ZNF529: variants seen among roughly 807,000 people sequenced by gnomAD.
ZNF529 encodes the protein zinc finger protein 529.
In ZNF529, 11 loss-of-function variants were observed where a neutral mutation model predicts 10.1. That is an observed-to-expected ratio of 1.09 (90% CI 0.69 to 1.81). The LOEUF is 1.81. Ranked by LOEUF, ZNF529 falls within the 40% of genes most tolerant of loss-of-function variation. The pLI, the probability that ZNF529 is intolerant of heterozygous loss-of-function variation, is 0.00. For missense variants in ZNF529, 624 were observed against 666.8 expected (o/e 0.94, Z 0.71); for synonymous variants, 204 against 215.7 (o/e 0.95, Z 0.47).
intron 1 of ZNF529, among the ~76,000 whole-genome samples, chr19:36,597,540 A>T (rs1301984237): frequency 1.3e-5 from 2 of 152,192 alleles, no homozygotes; most frequent in Admixed American, 1.3e-4. Flanking sequence ...TACATCATAC[A>T]ATCCAGCAAT....
chr19:36,565,010 T>C (rs8182626), intron 2 of ZNF529, among the ~76,000 whole-genome samples: 4,960 of 152,312 alleles, frequency 0.033, 121 homozygotes, highest in East Asian at 0.073. Context: ...AAATACTGCA[T>C]GTTCTCACTG....
At chr19:36,596,280 G>A (rs926979100) in intron 1 of ZNF529, among the ~76,000 whole-genome samples, 1 of 151,434 alleles carries the variant, frequency 6.6e-6, no homozygotes, top group East Asian at 1.9e-4. Context: ...CACTATGTTG[G>A]CCAGGGTGGT....
rs1464465805 is a variant in ZNF529, at chr19:36,545,640, C to T, written c.*1226G>A. The T allele has an allele frequency of 6.6e-6, 1 of 152,048 alleles. No individual in the cohort carries two copies. The highest frequency in any genetic ancestry group is 2.4e-5 in the African/African-American group (1 of 41,460). The allele number at this position is 152,048 out of a possible 1,614,324, so 9.4% of individuals were successfully genotyped here. On this transcript the variant is annotated 3_prime_UTR_variant, in exon 5 of 5. Coordinates refer to ENST00000591340, the MANE Select transcript of ZNF529 (RefSeq NM_020951.5). ...TGGAGTTAAATGAGATTAGTTAAAC[C>T]AAAGAAGGTCTGCTGATTGTTGAAA...
chr19:36,569,475 A>T (rs925440929), intron 2 of ZNF529, among the ~76,000 whole-genome samples: 2 of 152,116 alleles, frequency 1.3e-5, no homozygotes, highest in Non-Finnish European at 2.9e-5. Flanking sequence ...ATTACTTTTT[A>T]AAAAACTGGC....
intron 1 of ZNF529, among the ~76,000 whole-genome samples, chr19:36,593,356 T>C (rs974894204): frequency 1.3e-5 from 2 of 152,070 alleles, no homozygotes; most frequent in Admixed American, 6.6e-5. Flanking sequence ...TTTATAGAGA[T>C]GGAGTTTCCA....
intron 1 of ZNF529, among the ~76,000 whole-genome samples, chr19:36,599,657 A>C (rs192343964): frequency 6.6e-6 from 1 of 152,228 alleles, no homozygotes; most frequent in Non-Finnish European, 1.5e-5. Context: ...TTATAAGTCA[A>C]CTTAGGTTAC....
At chr19:36,563,383 A>T (rs2035783307) in intron 2 of ZNF529, among the ~76,000 whole-genome samples, 1 of 151,576 alleles carries the variant, frequency 6.6e-6, no homozygotes, top group Non-Finnish European at 1.5e-5. Flanking sequence ...AGATCACACC[A>T]CAGCACTCCA....
chr19:36,563,422 CAA>C (rs34934234), intron 2 of ZNF529, among the ~76,000 whole-genome samples: 7 of 129,786 alleles, frequency 5.4e-5, no homozygotes, highest in Non-Finnish European at 6.7e-5. Flanking sequence ...GATTGTGTCT[CAA>C]AAAAAAAAAA....
At chr19:36,555,720 AATC>A (rs2035443036) in intron 3 of ZNF529, among the ~76,000 whole-genome samples, 2 of 152,350 alleles carry the variant, frequency 1.3e-5, no homozygotes, top group African/African-American at 4.8e-5. Flanking sequence ...CTGCGTCTAC[AATC>A]ATCATCATTT....
At chr19:36,591,068 A>C (rs546521287) in intron 1 of ZNF529, among the ~76,000 whole-genome samples, 138 of 151,990 alleles carry the variant, frequency 9.1e-4, no homozygotes, top group African/African-American at 3.2e-3. Flanking sequence ...TTGCGAGGCC[A>C]AGGTGGGCAG....
At chr19:36,552,824 G>A (rs531285942) in intron 4 of ZNF529, among the ~76,000 whole-genome samples, 1 of 152,318 alleles carries the variant, frequency 6.6e-6, no homozygotes, top group Non-Finnish European at 1.5e-5. Flanking sequence ...AGAGAAATGT[G>A]AGGGAACTGG....
intron 1 of ZNF529, among the ~76,000 whole-genome samples, chr19:36,600,615 T>C (rs776508710): frequency 4.6e-5 from 7 of 152,226 alleles, no homozygotes; most frequent in East Asian, 1.9e-4. Context: ...CCAGGTGTTA[T>C]AGATCAGTGG....
intron 4 of ZNF529, among the ~76,000 whole-genome samples, chr19:36,554,422 C>T (rs2035381289): frequency 2.6e-5 from 4 of 152,036 alleles, no homozygotes; most frequent in Admixed American, 2.6e-4. Flanking sequence ...ACTAAAAATA[C>T]AAAAAATTAG....
intron 1 of ZNF529, among the ~76,000 whole-genome samples, chr19:36,603,095 A>G (rs921363505): frequency 6.6e-6 from 1 of 152,170 alleles, no homozygotes; most frequent in African/African-American, 2.4e-5. Context: ...AAGGTCCTCT[A>G]AAACAAAAAA....
rs1379704584 is a variant in ZNF529 at position 36,546,057 on chromosome 19, G to GTATATATATATA, written c.*808_*809insTATATATATATA. The GTATATATATATA allele has an allele frequency of 1.3e-4, 10 of 79,330 alleles. No individual in the cohort carries two copies. The highest frequency in any genetic ancestry group is 5.9e-4 in the East Asian group (2 of 3,394). 4.9% of individuals were successfully genotyped at this position (79,330 alleles called of 1,614,324 possible). A position where few individuals can be genotyped will look rare whatever the true frequency, so the allele number is the denominator to read the frequency against. ...ATATATACATATATTGTGTGTGTGT[G>GTATATATATATA]TGTGTATATATATATATATATATAG... On this transcript the variant is annotated 3_prime_UTR_variant, in exon 5 of 5. Transcript: ENST00000591340.
intron 2 of ZNF529, among the ~76,000 whole-genome samples, chr19:36,569,843 T>C (rs1457173837): frequency 2.0e-5 from 3 of 152,096 alleles, no homozygotes; most frequent in East Asian, 3.9e-4. Flanking sequence ...AAAGAAGAAA[T>C]TGTCCTTGAC....
intron 2 of ZNF529, among the ~76,000 whole-genome samples, chr19:36,588,867 A>G (rs935684513): frequency 1.3e-5 from 2 of 152,006 alleles, no homozygotes; most frequent in Admixed American, 6.6e-5. Flanking sequence ...ACCAGCAAAC[A>G]TAAGTGTTTC....
At chr19:36,560,683 C>T (rs571661335) in intron 2 of ZNF529, among the ~76,000 whole-genome samples, 1 of 152,040 alleles carries the variant, frequency 6.6e-6, no homozygotes, top group Non-Finnish European at 1.5e-5. Context: ...ACCAATATTA[C>T]TATAAGAGAA....
chr19:36,563,571 G>C (rs1263598410), intron 2 of ZNF529, among the ~76,000 whole-genome samples: 1 of 152,042 alleles, frequency 6.6e-6, no homozygotes, highest in African/African-American at 2.4e-5. Context: ...ACATACCTAA[G>C]AATACAGCTA....
Sources: gnomAD v4.1 joint callset for allele counts (sites outside exome capture counted in the v4.1 genomes callset) on GRCh38, gnomAD v4.1.1 for gene constraint, MANE v1.5 for transcripts, NCBI Gene and HGNC (gene_info 2026-07-23, HGNC 2026-07-21) for gene names.